Variants in MAGI2 observed in about 807,000 individuals in gnomAD.
MAGI2 encodes the protein membrane associated guanylate kinase, WW and PDZ domain containing 2.
MAGI2 carries 35 observed loss-of-function variants against 133.3 expected under a neutral mutation model. The ratio of observed to expected loss-of-function variants is 0.26; its 90% CI spans 0.20 to 0.35. The LOEUF is 0.35. Ranked by LOEUF, MAGI2 falls within the 10% of genes least tolerant of loss-of-function variation. The pLI, the probability that MAGI2 is intolerant of heterozygous loss-of-function variation, is 1.00. For synonymous variants in MAGI2, 729 were observed against 710.6 expected, an observed-to-expected ratio of 1.03 and a Z score of -0.41; for missense variants, 1,636 against 1,863.4, an observed-to-expected ratio of 0.88 and a Z score of 2.25.
intron 20 of MAGI2, among the ~76,000 whole-genome samples, chr7:78,108,716 ATATG>A (rs1476862131): frequency 8.5e-6 from 1 of 117,370 alleles, no homozygotes; most frequent in African/African-American, 2.6e-5. Context: ...GTGAGTGTAT[ATATG>A]TGTGTGTATA....
At chr7:79,163,715 T>C (rs1376868828) in intron 1 of MAGI2, among the ~76,000 whole-genome samples, 1 of 152,092 alleles carries the variant, frequency 6.6e-6, no homozygotes. Flanking sequence ...GCAGGGATTA[T>C]TTTTTGGCTG....
At position 78,501,650 on chromosome 7, in the gene MAGI2, T is replaced by C; in HGVS notation, c.892A>G (p.Asn298Asp). 6.2e-7 allele frequency: 1 copy of C among 1,614,166 alleles called. No homozygotes were observed. Among genetic ancestry groups the C allele is most frequent in the Non-Finnish European group, 8.5e-7 (1 of 1,180,022 alleles). The change falls in exon 5 of 22, where the codon AAT becomes GAT. Residue 298 changes from asparagine (N) to aspartate (D), a missense_variant. This residue lies in a region of MAGI2 where 165 missense variants were observed against 128.4 expected (regional missense o/e 1.28). Transcript: ENST00000354212. The part of the protein sequence containing the change: ...DDTKPTKPED[N>D]EEPDPLPDNW... Reference sequence around the variant, plus strand: ...TCAGGCAATGGGTCTGGTTCCTCATTGTCTTCAGGTTTAGTTGGCTTTGTG... The same window carrying C: ...TCAGGCAATGGGTCTGGTTCCTCATCGTCTTCAGGTTTAGTTGGCTTTGTG...
chr7:79,267,856 G>A (rs536334677), intron 1 of MAGI2, among the ~76,000 whole-genome samples: 2 of 152,282 alleles, frequency 1.3e-5, no homozygotes, highest in South Asian at 2.1e-4. Flanking sequence ...TAAAGGCAAT[G>A]TTGAGGAGTA....
At chr7:79,201,056 C>T (rs1188073741) in intron 1 of MAGI2, among the ~76,000 whole-genome samples, 1 of 151,948 alleles carries the variant, frequency 6.6e-6, no homozygotes, top group Non-Finnish European at 1.5e-5. Context: ...AATCAACGTA[C>T]TCCAAGAGAT....
intron 7 of MAGI2, among the ~76,000 whole-genome samples, chr7:78,351,421 A>G (rs1375953373): frequency 2.6e-5 from 4 of 151,966 alleles, no homozygotes; most frequent in African/African-American, 9.7e-5. Context: ...AAAAGTGTGA[A>G]TAAGGAAAAG....
At chr7:78,090,845 T>G (rs73362682) in intron 20 of MAGI2, among the ~76,000 whole-genome samples, 3,945 of 152,292 alleles carry the variant, frequency 0.026, 112 homozygotes, top group African/African-American at 0.077. Flanking sequence ...TAACCATGCC[T>G]TTGTTGGCAT....
intron 6 of MAGI2, among the ~76,000 whole-genome samples, chr7:78,446,685 T>C (rs957376732): frequency 8.6e-5 from 12 of 139,974 alleles, no homozygotes; most frequent in South Asian, 2.5e-4. Flanking sequence ...AGCAGCACTC[T>C]TTACAGATGG....
At chr7:78,237,670 C>T (rs1356553548) in intron 10 of MAGI2, among the ~76,000 whole-genome samples, 1 of 152,002 alleles carries the variant, frequency 6.6e-6, no homozygotes, top group African/African-American at 2.4e-5. Flanking sequence ...ATGGATTTCT[C>T]AGTGCATGGA....
intron 1 of MAGI2, among the ~76,000 whole-genome samples, chr7:79,306,080 C>T (rs1366503408): frequency 6.7e-6 from 1 of 149,132 alleles, no homozygotes; most frequent in African/African-American, 2.5e-5. Context: ...AGTCATGGTT[C>T]ACTGCAGTCT....
chr7:79,036,281 A>G (rs1212317526), intron 1 of MAGI2, among the ~76,000 whole-genome samples: 1 of 152,226 alleles, frequency 6.6e-6, no homozygotes, highest in African/African-American at 2.4e-5. Flanking sequence ...AAGCCAATGT[A>G]AAAATAGGAT....
rs117843404 is a variant in MAGI2 at position 79,112,412 on chromosome 7, G to A, written c.302-105206C>T. ...GGCTCCCTCTTTCTTTATATCAATA[G>A]TTTTAATTAGATACACCTCAATTTC... On this transcript the variant is annotated intron_variant, in intron 1 of 21. Coordinates refer to ENST00000354212, the MANE Select transcript of MAGI2 (RefSeq NM_012301.4). Among the ~76,000 whole-genome samples the A allele has an allele frequency of 1.5e-4, 23 of 152,240 alleles. No homozygotes were observed. In the East Asian group the frequency reaches 2.7e-3, roughly 18 times the overall value.
At chr7:78,643,144 A>G (rs1325613324) in intron 2 of MAGI2, among the ~76,000 whole-genome samples, 3 of 152,246 alleles carry the variant, frequency 2.0e-5, no homozygotes, top group South Asian at 4.1e-4. Context: ...CAACTATTAC[A>G]TATCAATTTG....
At chr7:78,154,323 C>G (rs1824175370) in intron 16 of MAGI2, among the ~76,000 whole-genome samples, 1 of 152,210 alleles carries the variant, frequency 6.6e-6, no homozygotes, top group African/African-American at 2.4e-5. Context: ...TCAACCCATG[C>G]TGGAGAAAGC....
intron 21 of MAGI2, among the ~76,000 whole-genome samples, chr7:78,046,005 C>G (rs1317128725): frequency 6.6e-6 from 1 of 152,118 alleles, no homozygotes; most frequent in Non-Finnish European, 1.5e-5. Flanking sequence ...CCTGGCAGAA[C>G]TTGAATGATG....
At chr7:79,029,310 T>G (rs1395423401) in intron 1 of MAGI2, among the ~76,000 whole-genome samples, 1 of 152,168 alleles carries the variant, frequency 6.6e-6, no homozygotes, top group Non-Finnish European at 1.5e-5. Context: ...AAAGCAGCTA[T>G]CAATTTCATT....
intron 9 of MAGI2, among the ~76,000 whole-genome samples, chr7:78,284,456 T>C (rs202091648): frequency 0.026 from 3,853 of 149,736 alleles, 146 homozygotes; most frequent in East Asian, 0.18. Context: ...TTTTCTTTTT[T>C]TTTTTTTTTA....
intron 1 of MAGI2, among the ~76,000 whole-genome samples, chr7:79,134,292 C>A (rs979016277): frequency 6.6e-6 from 1 of 152,134 alleles, no homozygotes; most frequent in African/African-American, 2.4e-5. Flanking sequence ...TTGTTAAAAA[C>A]GCTCACAGGC....
At chr7:79,336,076 C>T (rs1840417305) in intron 1 of MAGI2, among the ~76,000 whole-genome samples, 1 of 152,024 alleles carries the variant, frequency 6.6e-6, no homozygotes, top group Admixed American at 6.6e-5. Context: ...GGGAAATCAA[C>T]TCAAATTGAT....
chr7:78,039,944 C>T (rs1810625829), intron 21 of MAGI2, among the ~76,000 whole-genome samples: 1 of 152,146 alleles, frequency 6.6e-6, no homozygotes, highest in Non-Finnish European at 1.5e-5. Flanking sequence ...TGCAGTTTTG[C>T]GAGATGAACC....
Sources: allele counts gnomAD v4.1 joint callset (sites outside exome capture counted in the v4.1 genomes callset), GRCh38; gene constraint gnomAD v4.1.1; regional missense constraint gnomAD v4.1.1; transcripts MANE v1.5; gene names NCBI Gene and HGNC (gene_info 2026-07-23, HGNC 2026-07-21).